IL6ST: variants seen among roughly 807,000 people sequenced by gnomAD.
IL6ST encodes the protein interleukin 6 cytokine family signal transducer.
In IL6ST, 24 loss-of-function variants were observed where a neutral mutation model predicts 91.3. The observed-to-expected ratio is 0.26, with a 90% CI of 0.19 to 0.37. IL6ST has a LOEUF of 0.37. IL6ST is among the 10% of genes least tolerant of loss of function. IL6ST has a pLI of 1.00. For missense variants in IL6ST, 914 were observed against 1,078.5 expected (o/e 0.85, Z 2.14); for synonymous variants, 351 against 373.6 (o/e 0.94, Z 0.70).
intron 3 of IL6ST, among the ~76,000 whole-genome samples, chr5:55,973,830 G>C (rs1753107985): frequency 6.6e-6 from 1 of 152,206 alleles, no homozygotes; most frequent in Non-Finnish European, 1.5e-5. Flanking sequence ...GGAAAAGACA[G>C]ACACACATGC....
intron 5 of IL6ST, among the ~76,000 whole-genome samples, chr5:55,966,988 C>G (rs1752668959): frequency 6.6e-6 from 1 of 151,092 alleles, no homozygotes. Flanking sequence ...CTGATGAAAT[C>G]TGTAGATCTA....
intron 3 of IL6ST, among the ~76,000 whole-genome samples, chr5:55,972,767 G>C (rs1013563781): frequency 6.6e-6 from 1 of 152,140 alleles, no homozygotes; most frequent in East Asian, 1.9e-4. Context: ...CACTTTGGGA[G>C]GCCGAGGTGG....
chr5:55,991,438 A>G lies in IL6ST; in HGVS notation c.-104+3346T>C, dbSNP rs187402810. Among the ~76,000 whole-genome samples the G allele has an allele frequency of 5.3e-5, 8 of 152,116 alleles. No homozygotes were observed. In the East Asian group the frequency reaches 9.6e-4, roughly 18 times the overall value. On this transcript the variant is annotated intron_variant, in intron 1 of 16. Coordinates refer to ENST00000381298, the MANE Select transcript of IL6ST (RefSeq NM_002184.4). ...ATCTTATCCTGTCTTCTCTCCCATA[A>G]TATCTTTCCCACCCATCTCTTCTTT...
At chr5:55,958,916 A>ATAGG (rs1342037384) in intron 8 of IL6ST, among the ~76,000 whole-genome samples, 4 of 152,000 alleles carry the variant, frequency 2.6e-5, no homozygotes, top group Non-Finnish European at 5.9e-5. Flanking sequence ...AACAGAAAGG[A>ATAGG]TAGGACAGGC....
chr5:55,965,615 AG>A (rs1752584557), intron 5 of IL6ST, among the ~76,000 whole-genome samples: 1 of 152,122 alleles, frequency 6.6e-6, no homozygotes. Context: ...GGTTGATTCC[AG>A]GTCTGGGTGA....
Position 55,952,253 on chromosome 5 carries a change from C to T in IL6ST, c.1549G>A (p.Ala517Thr). ...AAAGAAGTGAGTTTGGACTTACGAGCTTGTTTAAGGTATGCCTTTATGGAT... is the reference window on the plus strand; with the variant it reads ...AAAGAAGTGAGTTTGGACTTACGAGTTTGTTTAAGGTATGCCTTTATGGAT... The part of the protein sequence containing the change: ...PESIKAYLKQ[A>T]PPSKGPTVRT... Residue 517 changes from alanine to threonine, a missense_variant, in exon 12 of 17, where the codon GCT (alanine) becomes ACT (threonine). Coordinates refer to ENST00000381298, the MANE Select transcript of IL6ST (RefSeq NM_002184.4). 3 of 1,603,158 alleles carry T rather than the reference C, an allele frequency of 1.9e-6. No individual in the cohort carries two copies. Among genetic ancestry groups the T allele is most frequent in the Non-Finnish European group, 2.6e-6 (3 of 1,172,270 alleles).
Position 55,937,533 on chromosome 5 carries a change from G to A in IL6ST, c.*3549C>T, listed in dbSNP as rs1174347378. 4.8e-6 allele frequency: 1 copy of A among 207,890 alleles called. No individual in the cohort carries two copies. The highest frequency in any genetic ancestry group is 9.8e-6 in the Non-Finnish European group (1 of 101,904). The allele number at this position is 207,890 out of a possible 1,614,324, so 12.9% of individuals were successfully genotyped here. On this transcript the variant is annotated 3_prime_UTR_variant, in exon 17 of 17. Coordinates refer to ENST00000381298, the MANE Select transcript of IL6ST (RefSeq NM_002184.4). ...AACTGCTGCCAAGGACCAGTCCAAA[G>A]AAGAATTAGGCTGTAAGACTGCTAG...
At chr5:55,957,891 A>G (rs1245664588) in intron 8 of IL6ST, among the ~76,000 whole-genome samples, 1 of 152,244 alleles carries the variant, frequency 6.6e-6, no homozygotes, top group East Asian at 1.9e-4. Context: ...ACATAAGTTG[A>G]TACTACTTAT....
intron 7 of IL6ST, among the ~76,000 whole-genome samples, chr5:55,962,837 G>C (rs1580821979): frequency 6.6e-6 from 1 of 152,076 alleles, no homozygotes; most frequent in African/African-American, 2.4e-5. Context: ...TTTCTAGGCT[G>C]GTAGTGGTAG....
chr5:55,950,199 GATGGCTAAAGCC>G (rs1295248214), intron 14 of IL6ST: 2 of 492,586 alleles, frequency 4.1e-6, no homozygotes, highest in African/African-American at 3.9e-5. Context: ...GGAAAGAGAA[GATGGCTAAAGCC>G]ATGGACAGAG....
intron 1 of IL6ST, among the ~76,000 whole-genome samples, chr5:55,990,281 TA>T (rs34154995): frequency 1.4e-5 from 2 of 147,164 alleles, no homozygotes; most frequent in Admixed American, 6.8e-5. Flanking sequence ...CCGCAAAGTT[TA>T]AAAAAAAAAG....
chr5:55,979,929 T>A (rs1360662431), intron 2 of IL6ST, among the ~76,000 whole-genome samples: 1 of 152,194 alleles, frequency 6.6e-6, no homozygotes, highest in East Asian at 1.9e-4. Context: ...TAAATGTAAA[T>A]ACTTGTAGCC....
intron 1 of IL6ST, among the ~76,000 whole-genome samples, chr5:55,986,586 T>A (rs1753985285): frequency 6.6e-6 from 1 of 152,232 alleles, no homozygotes; most frequent in Non-Finnish European, 1.5e-5. Context: ...ATGATTAGGT[T>A]TAAAGCTATC....
chr5:55,940,230 A>C lies in IL6ST; in HGVS notation c.*852T>G, dbSNP rs1750811318. On this transcript the variant is annotated 3_prime_UTR_variant, in exon 17 of 17. Coordinates refer to ENST00000381298, the MANE Select transcript of IL6ST (RefSeq NM_002184.4). ...TTGGTTTTTTTTCCCCTTTACTACT[A>C]CTTCCTGTTTTCCCCTTTACTACTA... 1 of 210,510 alleles carries C rather than the reference A, an allele frequency of 4.8e-6. No individual in the cohort carries two copies. Among genetic ancestry groups the C allele is most frequent in the Non-Finnish European group, 9.6e-6 (1 of 103,898 alleles). 13.0% of individuals were successfully genotyped at this position (210,510 alleles called of 1,614,324 possible).
chr5:55,993,519 T>G (rs1284722246), intron 1 of IL6ST, among the ~76,000 whole-genome samples: 1 of 152,222 alleles, frequency 6.6e-6, no homozygotes, highest in Non-Finnish European at 1.5e-5. Context: ...TTAAATTAGG[T>G]GGCAGCAGTA....
chr5:55,977,113 T>C (rs1319440687), intron 2 of IL6ST, among the ~76,000 whole-genome samples: 1 of 151,810 alleles, frequency 6.6e-6, no homozygotes, highest in Admixed American at 6.6e-5. Flanking sequence ...GGTAGAGACA[T>C]ATAATAGAAT....
rs1477164903 is a variant in IL6ST, at chr5:55,977,235, C to T, written c.-15-942G>A. 2.6e-5 allele frequency among the ~76,000 whole-genome samples: 4 copies of T among 151,216 alleles called. No homozygotes were observed. The East Asian group carries it at 7.7e-4, about 29-fold the overall frequency. On this transcript the variant is annotated intron_variant, in intron 2 of 16. Coordinates refer to ENST00000381298, the MANE Select transcript of IL6ST (RefSeq NM_002184.4). ...ACGAAGCCAGACACAACAGGTTATA[C>T]ATTGTATAACTCTATTTACAGGAAA... is the stretch of plus-strand genomic sequence containing the variant.
At chr5:55,955,582 C>A (rs1272241028) in intron 10 of IL6ST, among the ~76,000 whole-genome samples, 1 of 152,204 alleles carries the variant, frequency 6.6e-6, no homozygotes, top group African/African-American at 2.4e-5. Context: ...TTCTCAAAAT[C>A]TTGAAATAAT....
intron 14 of IL6ST, chr5:55,948,905 A>C (rs1226746993): frequency 6.6e-6 from 1 of 152,214 alleles, no homozygotes. Flanking sequence ...TACTTATGCA[A>C]AATTTCTTCA....
Sources: gnomAD v4.1 joint callset for allele counts (sites outside exome capture counted in the v4.1 genomes callset) on GRCh38, gnomAD v4.1.1 for gene constraint, MANE v1.5 for transcripts, NCBI Gene and HGNC (gene_info 2026-07-23, HGNC 2026-07-21) for gene names.